The following MARF1 variants were observed in gnomAD, a reference collection of about 807,000 sequenced individuals.
MARF1 encodes the protein limkain-b1.
Under a neutral mutation model 168.2 loss-of-function variants are expected in MARF1, and 24 were observed. The observed-to-expected ratio is 0.14, with a 90% CI of 0.10 to 0.20. The LOEUF (loss-of-function observed/expected upper bound fraction) is 0.20, where lower values mean the gene tolerates loss of function less well. Ranked by LOEUF, MARF1 falls within the 10% of genes least tolerant of loss-of-function variation. The pLI, the probability that MARF1 is intolerant of heterozygous loss-of-function variation, is 1.00. For synonymous variants in MARF1, 868 were observed against 822.4 expected (o/e 1.06, Z -0.95); for missense variants, 1,744 against 2,143.6 (o/e 0.81, Z 3.68).
chr16:15,614,143 T>C (rs1397577049), intron 16 of MARF1, among the ~76,000 whole-genome samples: 1 of 152,136 alleles, frequency 6.6e-6, no homozygotes, highest in East Asian at 1.9e-4. Flanking sequence ...TAAATCTGCA[T>C]TAAGTGGTAT....
chr16:15,623,272 A>ATTTTTTTTTTTTT (rs1567566905), intron 10 of MARF1, 149 bp from the exon 11 acceptor site: 1 of 287,434 alleles, frequency 3.5e-6, no homozygotes. Context: ...TGTGTTTTTA[A>ATTTTTTTTTTTTT]TCTTTTTTTT....
intron 16 of MARF1, among the ~76,000 whole-genome samples, chr16:15,613,688 T>TAAATAAATAAATAAATAAATAAATAAAA (rs1218152752): frequency 9.0e-5 from 13 of 143,938 alleles, no homozygotes; most frequent in Middle Eastern, 3.3e-3. Context: ...AATAAATAAA[T>TAAATAAATAAATAAATAAATAAATAAAA]AAAATAAAAT....
rs772640202 is a variant in MARF1, at chr16:15,600,570, A to ACC, written c.4688-19_4688-18dup. 1.9e-6 allele frequency: 3 copies of ACC among 1,614,198 alleles called. No homozygotes were observed. In the Admixed American group the frequency reaches 5.0e-5, roughly 27 times the overall value. ...TCAAACGACCTACAGGACAAAGAGC[A>ACC]CCCGTCAGAGAGAAATGTCAGTGAG... On this transcript the variant is annotated splice_polypyrimidine_tract_variant and intron_variant, in intron 24 of 26. Coordinates refer to ENST00000396368, the MANE Select transcript of MARF1 (RefSeq NM_014647.4).
In MARF1 at chr16:15,621,247, C is replaced by T. The variant is rs756338844; in HGVS notation, c.2639+486G>A. ...AACAGGGAGACCCAAAGAAGTATCA[C>T]ATTTTACTATGAATAAAACCATCAC... On this transcript the variant is annotated intron_variant, in intron 12 of 26. Transcript: ENST00000396368. 2.4e-4 allele frequency among the ~76,000 whole-genome samples: 37 copies of T among 152,182 alleles called. 2 individuals carry two copies. The highest frequency in any genetic ancestry group is 2.9e-5 in the Non-Finnish European group (2 of 68,032).
chr16:15,596,609 G>C lies in MARF1; in HGVS notation c.*84C>G. On this transcript the variant is annotated 3_prime_UTR_variant, in exon 27 of 27. Coordinates refer to ENST00000396368, the MANE Select transcript of MARF1 (RefSeq NM_014647.4). ...GGCTTCGGGGGGTTTTCATGACACA[G>C]AAAAGGATGTATTTTTGAAACCCAC... 2.1e-6 allele frequency: 3 copies of C among 1,397,628 alleles called. No individual in the cohort carries two copies. The highest frequency in any genetic ancestry group is 1.9e-6 in the Non-Finnish European group (2 of 1,045,476). The allele number at this position is 1,397,628 out of a possible 1,614,324, so 86.6% of individuals were successfully genotyped here.
At chr16:15,629,255 A>C (rs894128578) in intron 7 of MARF1, among the ~76,000 whole-genome samples, 116 of 152,180 alleles carry the variant, frequency 7.6e-4, no homozygotes, top group Admixed American at 7.6e-3. Context: ...GTGAGTTAGG[A>C]AAGAGCCTCA....
At position 15,617,161 on chromosome 16, in the gene MARF1, A is replaced by C. The variant is rs545243412; in HGVS notation, c.2968T>G (p.Phe990Val). ...CSNKDFSEHE[F>V]DPDSYKIPFV... ...GGAATCTTGTAAGAGTCTGGATCAA[A>C]TTCATGTTCGCTGAAGAAAAGAGAA... Residue 990 changes from phenylalanine (F) to valine (V), a missense_variant, in exon 15 of 27, where the codon TTT becomes GTT. Physicochemically the swap from Phe to Val is conservative, Grantham distance 50. Around this residue, in one of 7 missense-constraint regions of MARF1, gnomAD observed 543 missense variants for 742.1 expected, o/e 0.73. Transcript: ENST00000396368. 81 of 1,613,896 alleles carry C rather than the reference A, an allele frequency of 5.0e-5. 3 individuals carry two copies. The South Asian group carries it at 6.7e-4, about 13-fold the overall frequency.
chr16:15,598,186 G>A (rs972670935), intron 26 of MARF1, among the ~76,000 whole-genome samples: 1 of 152,212 alleles, frequency 6.6e-6, no homozygotes, highest in Admixed American at 6.5e-5. Flanking sequence ...CTCTGCCCTT[G>A]CTAGCCCAGC....
At chr16:15,604,860 C>T (rs533417865) in intron 21 of MARF1, among the ~76,000 whole-genome samples, 4 of 152,094 alleles carry the variant, frequency 2.6e-5, no homozygotes, top group Middle Eastern at 3.4e-3. Flanking sequence ...GTCCCCAGGG[C>T]GGGCTGGGGA....
chr16:15,621,999 T>C lies in MARF1; in HGVS notation c.2461-88A>G, dbSNP rs746817684. ...GAAGGTGAACCATGAAGGAACACAT[T>C]TGTCGACTGCAGCGCTTCCATGAAG... On this transcript the variant is annotated intron_variant, in intron 11 of 26. Transcript: ENST00000396368. 2.6e-5 allele frequency: 32 copies of C among 1,237,748 alleles called. No homozygotes were observed. The Middle Eastern group carries it at 6.1e-4, about 24-fold the overall frequency. 76.7% of individuals were successfully genotyped at this position (1,237,748 alleles called of 1,614,324 possible).
At chr16:15,611,551 T>G in intron 18 of MARF1, 41 bp downstream of exon 18, 1 of 1,587,988 alleles carries the variant, frequency 6.3e-7, no homozygotes, top group Non-Finnish European at 8.6e-7. Context: ...TAAAATGTCC[T>G]AAAATATTTA....
At chr16:15,618,252 T>C (rs2034207959) in intron 13 of MARF1, among the ~76,000 whole-genome samples, 1 of 152,216 alleles carries the variant, frequency 6.6e-6, no homozygotes, top group South Asian at 2.1e-4. Flanking sequence ...GTCTTCTCAC[T>C]GTCTGACCAG....
At chr16:15,618,468 C>T (rs1306480475) in intron 13 of MARF1, among the ~76,000 whole-genome samples, 1 of 152,198 alleles carries the variant, frequency 6.6e-6, no homozygotes, top group African/African-American at 2.4e-5. Context: ...CCCTTCCCTA[C>T]TGGATTTTAG....
At chr16:15,638,034 C>T (rs988179983) in intron 2 of MARF1, among the ~76,000 whole-genome samples, 1 of 151,768 alleles carries the variant, frequency 6.6e-6, no homozygotes, top group African/African-American at 2.4e-5. Context: ...GGCATAATGG[C>T]GAGTGCCTGT....
At position 15,634,789 on chromosome 16, in the gene MARF1, G is replaced by A; in HGVS notation, c.974C>T (p.Ala325Val). Residue 325 changes from alanine to valine, a missense_variant, in exon 4 of 27, where the codon GCG becomes GTG. Physicochemically the swap from Ala to Val is moderately conservative, Grantham distance 64. This residue lies in a region of MARF1 where 217 missense variants were observed against 372.4 expected (regional missense o/e 0.58). Transcript: ENST00000396368. The stretch of plus-strand genomic sequence containing the variant: ...TGAAGCAGCTTTGCCTAGACTGGTC[G>A]CCAATAACAACGTGGTCTCCTTCCC... The part of the protein sequence containing the change: ...GTGKETTLLL[A>V]TSLGKAASKF... 3 of 1,613,508 alleles carry A rather than the reference G, an allele frequency of 1.9e-6. No homozygotes were observed. Among genetic ancestry groups the A allele is most frequent in the East Asian group, 2.2e-5 (1 of 44,876 alleles).
chr16:15,602,256 G>C, intron 22 of MARF1, 53 bp from the exon 23 acceptor site: 7 of 1,501,322 alleles, frequency 4.7e-6, no homozygotes, highest in Non-Finnish European at 6.5e-6. Context: ...GCCCTGCCCC[G>C]TGGAAAGTGA....
chr16:15,598,493 C>T (rs1023557477), intron 26 of MARF1, among the ~76,000 whole-genome samples: 1 of 152,258 alleles, frequency 6.6e-6, no homozygotes, highest in South Asian at 2.1e-4. Flanking sequence ...GGACCCCCAC[C>T]ATGGGTGACG....
chr16:15,631,841 T>C (rs1197939015), intron 5 of MARF1, among the ~76,000 whole-genome samples: 2 of 152,190 alleles, frequency 1.3e-5, no homozygotes, highest in Non-Finnish European at 2.9e-5. Flanking sequence ...GGCAAGAACA[T>C]GCACTGTTTG....
chr16:15,611,170 G>A, intron 18 of MARF1, 62 bp from the exon 19 acceptor site: 1 of 1,556,876 alleles, frequency 6.4e-7, no homozygotes, highest in Non-Finnish European at 8.8e-7. Context: ...AGAACTACAA[G>A]TTTTCCGGCC....
Sources: allele counts gnomAD v4.1 joint callset (sites outside exome capture counted in the v4.1 genomes callset), GRCh38; gene constraint gnomAD v4.1.1; regional missense constraint gnomAD v4.1.1; transcripts MANE v1.5; gene names NCBI Gene and HGNC (gene_info 2026-07-23, HGNC 2026-07-21).